The following TXNDC11 variants were observed in gnomAD, a reference collection of about 807,000 sequenced individuals.
The protein encoded by TXNDC11 is thioredoxin domain containing 11, also known as thioredoxin domain-containing protein 11.
In TXNDC11, 68 loss-of-function variants were observed where a neutral mutation model predicts 78.0. The ratio of observed to expected loss-of-function variants is 0.87; its 90% CI spans 0.72 to 1.07. The LOEUF is 1.07. Among genes scored for constraint, TXNDC11 ranks in the 50% least tolerant of loss-of-function variants. The pLI, the probability that TXNDC11 is intolerant of heterozygous loss-of-function variation, is 0.00. For missense variants in TXNDC11, 1,389 were observed against 1,221.8 expected, an observed-to-expected ratio of 1.14 and a Z score of -2.04; for synonymous variants, 571 against 495.2, an observed-to-expected ratio of 1.15 and a Z score of -2.03.
At chr16:11,687,739 C>G (rs2050603516) in intron 10 of TXNDC11, 118 bp downstream of exon 10, 2 of 695,408 alleles carry the variant, frequency 2.9e-6, no homozygotes, top group Non-Finnish European at 5.1e-6. Flanking sequence ...TAAATTCAGC[C>G]AAGTCCTACC....
intron 5 of TXNDC11, among the ~76,000 whole-genome samples, chr16:11,705,860 A>G (rs763564452): frequency 1.3e-5 from 2 of 152,246 alleles, no homozygotes; most frequent in Non-Finnish European, 2.9e-5. Context: ...TTTATAGCGT[A>G]AAGATGACAC....
intron 1 of TXNDC11, among the ~76,000 whole-genome samples, chr16:11,737,444 T>C (rs1303001444): frequency 9.0e-6 from 1 of 111,444 alleles, no homozygotes; most frequent in East Asian, 2.5e-4. Flanking sequence ...AAACTCCATC[T>C]AAAAAAAAAA....
At chr16:11,699,374 T>C (rs10451097) in intron 6 of TXNDC11, among the ~76,000 whole-genome samples, 9,014 of 152,156 alleles carry the variant, frequency 0.059, 904 homozygotes, top group African/African-American at 0.21. Context: ...AAATGAAGGA[T>C]GTAGGAAAAT....
intron 4 of TXNDC11, among the ~76,000 whole-genome samples, chr16:11,725,567 T>A (rs541976464): frequency 6.6e-6 from 1 of 152,226 alleles, no homozygotes; most frequent in Non-Finnish European, 1.5e-5. Context: ...AAGGCTGGGC[T>A]GTCGTCCAGT....
chr16:11,687,857 C>G lies in TXNDC11; in HGVS notation c.2153G>C (p.Arg718Thr), dbSNP rs755918709. 41 of 1,609,316 alleles carry G rather than the reference C, an allele frequency of 2.5e-5. No homozygotes were observed. Among genetic ancestry groups the G allele is most frequent in the Non-Finnish European group, 3.5e-5 (41 of 1,176,054 alleles). ...NLPMDTFTVARIDVSQNDLPW... is the reference protein window; with the variant it reads ...NLPMDTFTVATIDVSQNDLPW... Reference sequence around the variant, plus strand: ...AGCGCTGCAGAAGAGGCCTGCTTACCTTGCCACAGTGAATGTGTCCATGGG... The same window carrying G: ...AGCGCTGCAGAAGAGGCCTGCTTACGTTGCCACAGTGAATGTGTCCATGGG... Residue 718 changes from arginine to threonine, a missense_variant and splice_region_variant, in exon 10 of 12, where the codon AGG (arginine) becomes ACG (threonine). Transcript: ENST00000283033.
At chr16:11,731,491 A>T (rs2052044947) in intron 3 of TXNDC11, among the ~76,000 whole-genome samples, 1 of 152,194 alleles carries the variant, frequency 6.6e-6, no homozygotes, top group African/African-American at 2.4e-5. Flanking sequence ...GTCTCACACA[A>T]TACAGACACT....
chr16:11,681,756 G>A (rs959110210), intron 11 of TXNDC11, among the ~76,000 whole-genome samples: 1 of 152,212 alleles, frequency 6.6e-6, no homozygotes. Context: ...CTGGCTGGAG[G>A]AGCACCTGCT....
At chr16:11,681,547 G>T (rs2050425451) in intron 11 of TXNDC11, among the ~76,000 whole-genome samples, 1 of 152,198 alleles carries the variant, frequency 6.6e-6, no homozygotes, top group African/African-American at 2.4e-5. Flanking sequence ...ATGGTGGGAA[G>T]AGGTCCCCAT....
At chr16:11,732,251 C>A (rs2052078024) in intron 3 of TXNDC11, among the ~76,000 whole-genome samples, 1 of 152,100 alleles carries the variant, frequency 6.6e-6, no homozygotes, top group African/African-American at 2.4e-5. Flanking sequence ...CCTGCATATC[C>A]CAAAATGACA....
intron 4 of TXNDC11, among the ~76,000 whole-genome samples, chr16:11,726,857 C>T (rs1262685103): frequency 6.6e-6 from 1 of 152,076 alleles, no homozygotes; most frequent in Non-Finnish European, 1.5e-5. Flanking sequence ...GAGTTCAAGA[C>T]CAGCCTGGCC....
chr16:11,691,395 C>T lies in TXNDC11; in HGVS notation c.1795G>A (p.Ala599Thr). The T allele has an allele frequency of 1.9e-6, 3 of 1,614,160 alleles. No homozygotes were observed. The highest frequency in any genetic ancestry group is 2.5e-6 in the Non-Finnish European group (3 of 1,179,974). Residue 599 changes from alanine to threonine, a missense_variant, in exon 8 of 12, where the codon GCT becomes ACT. Physicochemically the swap from Ala to Thr is moderately conservative, Grantham distance 58 (BLOSUM62 0). Coordinates refer to ENST00000283033, the MANE Select transcript of TXNDC11 (RefSeq NM_015914.7). ...TCTTTCACCTGAGTGGAGCTCGGAG[C>T]ACCCAGTCTCTCTGCATATAACCAA... Reference protein sequence around the residue: ...LFWLYAERLGAPSSTQVKEFA... With the variant: ...LFWLYAERLGTPSSTQVKEFA...
At chr16:11,685,428 G>A (rs988411279) in intron 10 of TXNDC11, among the ~76,000 whole-genome samples, 2 of 151,996 alleles carry the variant, frequency 1.3e-5, no homozygotes, top group Non-Finnish European at 2.9e-5. Context: ...GGCAGATCAC[G>A]AGGTCAGGTG....
At chr16:11,695,024 G>C (rs545888036) in intron 7 of TXNDC11, among the ~76,000 whole-genome samples, 1 of 152,236 alleles carries the variant, frequency 6.6e-6, no homozygotes, top group Non-Finnish European at 1.5e-5. Flanking sequence ...TTCAGACGAT[G>C]TGAATGCCTC....
intron 5 of TXNDC11, among the ~76,000 whole-genome samples, chr16:11,718,283 A>G (rs1050832284): frequency 6.6e-6 from 1 of 152,068 alleles, no homozygotes; most frequent in African/African-American, 2.4e-5. Context: ...AAAAAAAATC[A>G]TTAAGGCAGG....
chr16:11,729,553 G>A (rs892558226), intron 4 of TXNDC11, among the ~76,000 whole-genome samples: 3 of 152,190 alleles, frequency 2.0e-5, no homozygotes, highest in African/African-American at 7.2e-5. Context: ...AGTGCGAACA[G>A]TAAAATTCAA....
intron 8 of TXNDC11, chr16:11,688,651 G>A: frequency 2.1e-6 from 1 of 467,012 alleles, no homozygotes; most frequent in Non-Finnish European, 3.8e-6. Flanking sequence ...ACAGTAATGT[G>A]GATAACAAAA....
chr16:11,717,746 C>A (rs1471237259), intron 5 of TXNDC11, among the ~76,000 whole-genome samples: 1 of 151,022 alleles, frequency 6.6e-6, no homozygotes, highest in Non-Finnish European at 1.5e-5. Flanking sequence ...ACCTGAACCT[C>A]GGAGGCAGAG....
chr16:11,691,707 A>T lies in TXNDC11; in HGVS notation c.1483T>A (p.Phe495Ile), dbSNP rs769316521. 8.1e-6 allele frequency: 13 copies of T among 1,614,132 alleles called. No homozygotes were observed. The highest frequency in any genetic ancestry group is 3.4e-6 in the Non-Finnish European group (4 of 1,180,054). Residue 495 changes from phenylalanine to isoleucine, a missense_variant, in exon 8 of 12, where the codon TTT (phenylalanine) becomes ATT (isoleucine). Coordinates refer to ENST00000283033, the MANE Select transcript of TXNDC11 (RefSeq NM_015914.7). ...VASDSIECSN[F>I]LTSYSPFSYY... ...CTGAAGGGGCTATAGGAAGTTAAAA[A>T]ATTGCTGCATTCTATGCTGTCTGAT...
chr16:11,689,668 C>T (rs1239601600), intron 8 of TXNDC11, among the ~76,000 whole-genome samples: 1 of 152,120 alleles, frequency 6.6e-6, no homozygotes, highest in African/African-American at 2.4e-5. Context: ...AAAGTGAACA[C>T]ATTATGAGGT....
Sources: allele counts gnomAD v4.1 joint callset (sites outside exome capture counted in the v4.1 genomes callset), GRCh38; gene constraint gnomAD v4.1.1; transcripts MANE v1.5; gene names NCBI Gene and HGNC (gene_info 2026-07-23, HGNC 2026-07-21).